The following PRMT8 variants were observed in gnomAD, a reference collection of about 807,000 sequenced individuals.
The protein encoded by PRMT8 is protein arginine N-methyltransferase 8.
Under a neutral mutation model 47.1 loss-of-function variants are expected in PRMT8, and 7 were observed. The ratio of observed to expected loss-of-function variants is 0.15; its 90% CI spans 0.08 to 0.28. The LOEUF is 0.28. Ranked by LOEUF, PRMT8 falls within the 10% of genes least tolerant of loss-of-function variation. The pLI, the probability that PRMT8 is intolerant of heterozygous loss-of-function variation, is 1.00. For synonymous variants in PRMT8, 188 were observed against 186.5 expected (o/e 1.01, Z -0.07); for missense variants, 237 against 505.4 (o/e 0.47, Z 5.09).
Position 3,473,805 on chromosome 12 carries a change from G to A in PRMT8, c.49-66801G>A, listed in dbSNP as rs113362097. ...AAATCATCCCATGAGCCCCAGCCCC[G>A]CCTTAGTTTAGCTGGGCGTATTCCC... is the stretch of plus-strand genomic sequence containing the variant. On this transcript the variant is annotated intron_variant, in intron 1 of 9. Coordinates refer to the PRMT8 transcript ENST00000452611. Among the ~76,000 whole-genome samples, 351 of 152,140 alleles carry A rather than the reference G, an allele frequency of 2.3e-3. 5 individuals are homozygous for A. Among genetic ancestry groups the A allele is most frequent in the Non-Finnish European group, 2.1e-3 (142 of 67,998 alleles).
intron 1 of PRMT8, among the ~76,000 whole-genome samples, chr12:3,525,578 C>T (rs1398733792): frequency 6.6e-6 from 1 of 152,194 alleles, no homozygotes; most frequent in Non-Finnish European, 1.5e-5. Context: ...TTCTCTCTTT[C>T]CCATCATTAT....
At position 3,550,239 on chromosome 12, in the gene PRMT8, C is replaced by T. The variant is rs1866392356; in HGVS notation, c.417+148C>T. On this transcript the variant is annotated intron_variant, in intron 3 of 9. Coordinates refer to ENST00000382622, the MANE Select transcript of PRMT8 (RefSeq NM_019854.5). The surrounding 1 kb of genome is among the most constrained non-coding windows in gnomAD (Gnocchi z 5.1). ...GAGGAGTAGAAGAAATCAGGTGTGA[C>T]TCTCAGGAAGGGGAGCAGGCTGCCT... The T allele has an allele frequency of 4.1e-6, 4 of 966,962 alleles. No homozygotes were observed. The highest frequency in any genetic ancestry group is 5.3e-5 in the East Asian group (2 of 38,028). The allele number at this position is 966,962 out of a possible 1,614,324, so 59.9% of individuals were successfully genotyped here.
At chr12:3,383,843 T>A (rs1056797404) in intron 1 of PRMT8, among the ~76,000 whole-genome samples, 4 of 152,202 alleles carry the variant, frequency 2.6e-5, no homozygotes, top group African/African-American at 9.7e-5. Flanking sequence ...TGATTGTAAG[T>A]GGTATTGTAT....
At chr12:3,418,586 C>A (rs1320374420) in intron 1 of PRMT8, among the ~76,000 whole-genome samples, 1 of 152,198 alleles carries the variant, frequency 6.6e-6, no homozygotes, top group Non-Finnish European at 1.5e-5. Context: ...CTGCAATCTT[C>A]CCCCATTTTG....
chr12:3,383,352 G>T (rs116861932), intron 1 of PRMT8, among the ~76,000 whole-genome samples: 1 of 152,120 alleles, frequency 6.6e-6, no homozygotes, highest in Non-Finnish European at 1.5e-5. Flanking sequence ...AACCATGAAC[G>T]CAATGTGTCT....
chr12:3,423,047 A>G (rs1864560671), intron 1 of PRMT8, among the ~76,000 whole-genome samples: 1 of 152,212 alleles, frequency 6.6e-6, no homozygotes, highest in South Asian at 2.1e-4. Context: ...TCTTATTACT[A>G]TTATAACTTC....
chr12:3,572,334 A>T lies in PRMT8; in HGVS notation c.712+2770A>T, dbSNP rs1309616855. Among the ~76,000 whole-genome samples, 1 of 152,186 alleles carries T rather than the reference A, an allele frequency of 6.6e-6. No homozygotes were observed. The highest frequency in any genetic ancestry group is 1.5e-5 in the Non-Finnish European group (1 of 68,030). On this transcript the variant is annotated intron_variant, in intron 6 of 9. Coordinates refer to ENST00000382622, the MANE Select transcript of PRMT8 (RefSeq NM_019854.5). The surrounding 1 kb of genome is among the most constrained non-coding windows in gnomAD (Gnocchi z 5.9). ...AGAGAGGAGCAATCATTTTACACAC[A>T]TTTTCTACTATAAAGGAAATACACA... is the stretch of plus-strand genomic sequence containing the variant.
intron 1 of PRMT8, among the ~76,000 whole-genome samples, chr12:3,449,064 A>T (rs1864890323): frequency 1.3e-5 from 2 of 152,172 alleles, no homozygotes; most frequent in African/African-American, 4.8e-5. Context: ...AAAGGACATT[A>T]TCTCATTCCT....
At chr12:3,481,336 G>T (rs1367447034) in intron 1 of PRMT8, among the ~76,000 whole-genome samples, 1 of 152,198 alleles carries the variant, frequency 6.6e-6, no homozygotes, top group Non-Finnish European at 1.5e-5. Flanking sequence ...TCCTGTGAGT[G>T]GAAGATGGGG....
intron 1 of PRMT8, among the ~76,000 whole-genome samples, chr12:3,389,684 C>T (rs1345292780): frequency 6.6e-6 from 1 of 152,330 alleles, no homozygotes; most frequent in Non-Finnish European, 1.5e-5. Context: ...ATCTACTGCC[C>T]TGGGGACACA....
In PRMT8 at chr12:3,449,136, A is replaced by G. The variant is rs558619934; in HGVS notation, c.48+67694A>G. ...CCACATTCTCTTTATGCAACCTATC[A>G]CTAGTGGGCATTTGTGTTGATTCCA... On this transcript the variant is annotated intron_variant, in intron 1 of 9. Transcript: ENST00000452611. Among the ~76,000 whole-genome samples the G allele has an allele frequency of 3.3e-5, 5 of 152,248 alleles. No homozygotes were observed. In the East Asian group the frequency reaches 5.8e-4, roughly 18 times the overall value.
chr12:3,485,986 G>A (rs537308066), intron 1 of PRMT8, among the ~76,000 whole-genome samples: 2 of 152,316 alleles, frequency 1.3e-5, no homozygotes, highest in East Asian at 3.9e-4. Context: ...GCGTTTTCAG[G>A]TCGGGTTGCC....
At chr12:3,410,195 T>G (rs1864412783) in intron 1 of PRMT8, among the ~76,000 whole-genome samples, 1 of 152,240 alleles carries the variant, frequency 6.6e-6, no homozygotes, top group Non-Finnish European at 1.5e-5. Context: ...TTGGCAAACT[T>G]ATTGAGGCAA....
At chr12:3,577,131 C>T (rs539032806) in intron 7 of PRMT8, 145 bp downstream of exon 7, 19 of 671,800 alleles carry the variant, frequency 2.8e-5, no homozygotes, top group Admixed American at 1.4e-4. Flanking sequence ...TCCCTAAGCT[C>T]AAGTCAAAAG....
In PRMT8 at chr12:3,538,675, G is replaced by C. The variant is rs1467788975; in HGVS notation, c.76-1931G>C. On this transcript the variant is annotated intron_variant, in intron 1 of 9. Transcript: ENST00000382622. This position sits in a 1 kb window ranked among gnomAD's most constrained non-coding sequence, Gnocchi z 4.6. ...TTAAATGGAGTCGATATTGGGGTCA[G>C]CTTCATGCACGGAGCCTTCTTCAGC... The C allele has an allele frequency of 3.9e-6, 2 of 519,032 alleles. No individual in the cohort carries two copies. Among genetic ancestry groups the C allele is most frequent in the Admixed American group, 3.9e-5 (2 of 51,610 alleles). 32.2% of individuals were successfully genotyped at this position (519,032 alleles called of 1,614,324 possible).
At chr12:3,393,539 T>C (rs1269227990) in intron 1 of PRMT8, among the ~76,000 whole-genome samples, 1 of 150,644 alleles carries the variant, frequency 6.6e-6, no homozygotes, top group Non-Finnish European at 1.5e-5. Flanking sequence ...TGTGGTGTTA[T>C]TTCTGAGGGC....
rs1272894574 is a variant in PRMT8, at chr12:3,514,249, T to G, written c.75+22549T>G. Among the ~76,000 whole-genome samples, 1 of 152,052 alleles carries G rather than the reference T, an allele frequency of 6.6e-6. No individual in the cohort carries two copies. Among genetic ancestry groups the G allele is most frequent in the Non-Finnish European group, 1.5e-5 (1 of 68,002 alleles). On this transcript the variant is annotated intron_variant, in intron 1 of 9. Transcript: ENST00000382622. This position sits in a 1 kb window ranked among gnomAD's most constrained non-coding sequence, Gnocchi z 5.9. ...TTCTGTTACCCCTAAGGTGCTCTTT[T>G]GTTCACCACAGAATACTGAGCACTT...
At chr12:3,394,508 T>G (rs1005620768) in intron 1 of PRMT8, among the ~76,000 whole-genome samples, 1 of 151,400 alleles carries the variant, frequency 6.6e-6, no homozygotes, top group Non-Finnish European at 1.5e-5. Context: ...TATGCTGGAT[T>G]ACATTTATTG....
chr12:3,487,500 A>C (rs1489424043), upstream of PRMT8, among the ~76,000 whole-genome samples: 1 of 152,206 alleles, frequency 6.6e-6, no homozygotes, highest in Admixed American at 6.5e-5. Context: ...AGGAGACAGA[A>C]TTACAGAGTC....
Sources: allele counts gnomAD v4.1 joint callset (sites outside exome capture counted in the v4.1 genomes callset), GRCh38; gene constraint gnomAD v4.1.1; non-coding constraint Gnocchi (gnomAD v3.1); transcripts MANE v1.5; gene names NCBI Gene and HGNC (gene_info 2026-07-23, HGNC 2026-07-21).